MEGF10: variants seen among roughly 807,000 people sequenced by gnomAD.
MEGF10 encodes multiple EGF like domains 10, also known as multiple epidermal growth factor-like domains protein 10.
Under a neutral mutation model 147.5 loss-of-function variants are expected in MEGF10, and 86 were observed. The ratio of observed to expected loss-of-function variants is 0.58; its 90% confidence interval spans 0.49 to 0.70. MEGF10 has a LOEUF of 0.70. Among genes scored for constraint, MEGF10 ranks in the 30% least tolerant of loss-of-function variants. The pLI, the probability that MEGF10 is intolerant of heterozygous loss-of-function variation, is 0.00. For missense variants in MEGF10, 1,329 were observed against 1,487.3 expected (o/e 0.89, Z 1.75); for synonymous variants, 478 against 525.5 (o/e 0.91, Z 1.24).
chr5:127,367,244 A>C (rs998058002), intron 4 of MEGF10, among the ~76,000 whole-genome samples: 2 of 152,212 alleles, frequency 1.3e-5, no homozygotes, highest in African/African-American at 4.8e-5. Flanking sequence ...GAAAGGATAG[A>C]GAAGAAAGGG....
intron 22 of MEGF10, among the ~76,000 whole-genome samples, chr5:127,451,230 C>T (rs886763770): frequency 6.6e-6 from 1 of 152,232 alleles, no homozygotes; most frequent in African/African-American, 2.4e-5. Context: ...CCCTTAAACA[C>T]TGCTTCTCCT....
At chr5:127,384,497 G>T (rs961083267) in intron 5 of MEGF10, among the ~76,000 whole-genome samples, 2 of 152,242 alleles carry the variant, frequency 1.3e-5, no homozygotes, top group South Asian at 2.1e-4. Flanking sequence ...CGTGAATAGG[G>T]TCATCAATAT....
At chr5:127,268,512 G>T in the MEGF10 span, among the ~76,000 whole-genome samples, 1 of 152,176 alleles carries the variant, frequency 6.6e-6, no homozygotes, top group Non-Finnish European at 1.5e-5. Context: ...AATGTTGACA[G>T]AACTGCAAGG....
intron 5 of MEGF10, among the ~76,000 whole-genome samples, chr5:127,383,629 C>T (rs1763331271): frequency 6.6e-6 from 1 of 152,102 alleles, no homozygotes; most frequent in African/African-American, 2.4e-5. Context: ...ACCAGAAGAA[C>T]ATATATTAAA....
At chr5:127,316,949 A>C (rs556032145) in intron 1 of MEGF10, among the ~76,000 whole-genome samples, 1 of 152,332 alleles carries the variant, frequency 6.6e-6, no homozygotes, top group African/African-American at 2.4e-5. Context: ...TAAGTTGAGC[A>C]GATAGTTAAG....
In MEGF10 at chr5:127,354,922, G is replaced by A. The variant is rs550620998; in HGVS notation, c.319+14292G>A. ...TTAGGAGAGGGATTGGCAGGCTTGA[G>A]CAAATTGGGCACGGCTTCTGGGAAG... is the stretch of plus-strand genomic sequence containing the variant. On this transcript the variant is annotated intron_variant, in intron 4 of 24. Coordinates refer to ENST00000503335, the MANE Select transcript of MEGF10 (RefSeq NM_001256545.2). Among the ~76,000 whole-genome samples the A allele has an allele frequency of 3.9e-5, 6 of 152,190 alleles. No homozygotes were observed. In the East Asian group the frequency reaches 9.7e-4, roughly 24 times the overall value.
intron 7 of MEGF10, among the ~76,000 whole-genome samples, chr5:127,399,135 A>G (rs1250306503): frequency 6.6e-6 from 1 of 152,168 alleles, no homozygotes; most frequent in African/African-American, 2.4e-5. Flanking sequence ...TTATTTAACA[A>G]TCATTTTCAT....
chr5:127,233,614 T>G, the MEGF10 span, among the ~76,000 whole-genome samples: 1 of 152,194 alleles, frequency 6.6e-6, no homozygotes, highest in East Asian at 1.9e-4. Context: ...GCACTTAAGG[T>G]TAATGAATAA....
intron 8 of MEGF10, 33 bp downstream of exon 8, chr5:127,402,715 T>C (rs1331143529): frequency 6.2e-7 from 1 of 1,609,128 alleles, no homozygotes; most frequent in Non-Finnish European, 8.5e-7. Context: ...TCTGACTGTT[T>C]ATAATGATGT....
chr5:127,384,872 A>G (rs1346149434), intron 5 of MEGF10, among the ~76,000 whole-genome samples: 1 of 152,214 alleles, frequency 6.6e-6, no homozygotes, highest in Non-Finnish European at 1.5e-5. Flanking sequence ...AAAGTGCTTG[A>G]TGTTTTGAAT....
chr5:127,402,702 TTC>T lies in MEGF10; in HGVS notation c.917+24_917+25del, dbSNP rs751304438. ...GGAACGGTAAGGGATGCCCTTGTAT[TTC>T]TCTGACTGTTTATAATGATGTGAAA... is the stretch of plus-strand genomic sequence containing the variant. On this transcript the variant is annotated intron_variant, in intron 8 of 24. Coordinates refer to ENST00000503335, the MANE Select transcript of MEGF10 (RefSeq NM_001256545.2). 13 of 1,612,774 alleles carry T rather than the reference TTC, an allele frequency of 8.1e-6. No individual in the cohort carries two copies. The East Asian group carries it at 2.9e-4, about 36-fold the overall frequency.
chr5:127,261,699 C>T, the MEGF10 span, among the ~76,000 whole-genome samples: 18 of 152,144 alleles, frequency 1.2e-4, no homozygotes, highest in Non-Finnish European at 2.6e-4. Flanking sequence ...GCAGCTGCCC[C>T]ATTTTACATT....
chr5:127,398,546 T>A (rs1333359831), intron 6 of MEGF10, 130 bp from the exon 7 acceptor site: 4 of 1,055,428 alleles, frequency 3.8e-6, no homozygotes, highest in South Asian at 1.5e-5. Context: ...ATGTTCTTGA[T>A]GTTAATTAAT....
the MEGF10 span, among the ~76,000 whole-genome samples, chr5:127,270,325 A>G: frequency 2.0e-5 from 3 of 152,210 alleles, no homozygotes; most frequent in African/African-American, 4.8e-5. Context: ...AGTGTGCTGT[A>G]TTCAGGAGAC....
chr5:127,320,589 C>T (rs997755504), intron 1 of MEGF10, among the ~76,000 whole-genome samples: 6 of 152,094 alleles, frequency 3.9e-5, no homozygotes, highest in Admixed American at 3.9e-4. Flanking sequence ...CATACATATG[C>T]GATTGGCCAG....
In MEGF10 at chr5:127,419,953, C is replaced by T. The variant is rs541870478; in HGVS notation, c.1427-91C>T. ...GTGGCTGGGGCTTGCATCTCCAAGG[C>T]GTTTCTAAAGAGAAACGTGGTTTGG... On this transcript the variant is annotated intron_variant, in intron 11 of 24. Transcript: ENST00000503335. 1.6e-5 allele frequency: 23 copies of T among 1,427,810 alleles called. No individual in the cohort carries two copies. In the Admixed American group the frequency reaches 2.1e-4, roughly 13 times the overall value. The allele number at this position is 1,427,810 out of a possible 1,614,324, so 88.4% of individuals were successfully genotyped here.
the MEGF10 span, among the ~76,000 whole-genome samples, chr5:127,238,658 ACTT>A: frequency 7.9e-5 from 12 of 152,174 alleles, no homozygotes; most frequent in South Asian, 1.7e-3. Context: ...TCCACACTTC[ACTT>A]CTTCTCCAGA....
At chr5:127,380,911 G>A (rs140407806) in intron 5 of MEGF10, among the ~76,000 whole-genome samples, 3 of 152,272 alleles carry the variant, frequency 2.0e-5, no homozygotes, top group African/African-American at 7.2e-5. Context: ...TGTACTGGGT[G>A]TGATTTCTGT....
intron 4 of MEGF10, among the ~76,000 whole-genome samples, chr5:127,365,860 C>T (rs1762634526): frequency 6.6e-6 from 1 of 152,170 alleles, no homozygotes. Flanking sequence ...GAAGAAAGGA[C>T]ATGGGTAGGG....
Sources: gnomAD v4.1 joint callset for allele counts (sites outside exome capture counted in the v4.1 genomes callset) on GRCh38, gnomAD v4.1.1 for gene constraint, MANE v1.5 for transcripts, NCBI Gene and HGNC (gene_info 2026-07-23, HGNC 2026-07-21) for gene names.